The following QTMAN variants were observed in gnomAD, a reference collection of about 807,000 sequenced individuals.
QTMAN encodes the protein tRNA-queuosine alpha-mannosyltransferase.
At chr2:144,239,187 A>G in the QTMAN span, among the ~76,000 whole-genome samples, 3 of 152,144 alleles carry the variant, frequency 2.0e-5, no homozygotes, top group Non-Finnish European at 4.4e-5. Flanking sequence ...AAAAGAAAAA[A>G]AAAAGAAAAG....
chr2:144,197,574 T>C, the QTMAN span, among the ~76,000 whole-genome samples: 1 of 152,188 alleles, frequency 6.6e-6, no homozygotes, highest in Non-Finnish European at 1.5e-5. Context: ...GTGACCTCTG[T>C]AATTTTGACT....
the QTMAN span, among the ~76,000 whole-genome samples, chr2:144,263,284 A>G: frequency 4.6e-5 from 7 of 152,006 alleles, no homozygotes; most frequent in African/African-American, 1.7e-4. Flanking sequence ...GTTTTAATAC[A>G]GTGGTTTTGG....
the QTMAN span, among the ~76,000 whole-genome samples, chr2:144,240,454 T>C: frequency 1.3e-3 from 195 of 152,312 alleles, 1 homozygote; most frequent in Non-Finnish European, 2.0e-3. Flanking sequence ...CAATTATCAT[T>C]ACCTATTCTA....
chr2:144,022,542 A>C, the QTMAN span, among the ~76,000 whole-genome samples: 11 of 117,550 alleles, frequency 9.4e-5, no homozygotes, highest in Non-Finnish European at 1.5e-4. Context: ...TTCTCATTCT[A>C]TCTCTCTCTC....
chr2:144,077,605 G>A, the QTMAN span, among the ~76,000 whole-genome samples: 1 of 152,106 alleles, frequency 6.6e-6, no homozygotes, highest in African/African-American at 2.4e-5. Flanking sequence ...TTCAGAAATT[G>A]TATTAACTAA....
the QTMAN span, among the ~76,000 whole-genome samples, chr2:143,953,683 C>T: frequency 6.6e-6 from 1 of 151,748 alleles, no homozygotes; most frequent in Non-Finnish European, 1.5e-5. Context: ...TTAAAGATAC[C>T]ACTGTCATTT....
At chr2:144,262,569 C>CAAA in the QTMAN span, among the ~76,000 whole-genome samples, 50 of 49,614 alleles carry the variant, frequency 1.0e-3, no homozygotes, top group South Asian at 1.5e-3. Flanking sequence ...GATGCTGTCT[C>CAAA]AAAAAAAAAA....
the QTMAN span, among the ~76,000 whole-genome samples, chr2:144,054,179 C>G: frequency 2.0e-5 from 3 of 151,550 alleles, no homozygotes; most frequent in Non-Finnish European, 2.9e-5. Context: ...CAGAGTGAGA[C>G]TCTGTCTCAA....
At chr2:144,066,703 C>T in the QTMAN span, among the ~76,000 whole-genome samples, 1 of 152,214 alleles carries the variant, frequency 6.6e-6, no homozygotes, top group Non-Finnish European at 1.5e-5. Context: ...GTAATTCCAG[C>T]TACTTGGGAG....
At chr2:144,278,905 T>G in the QTMAN span, among the ~76,000 whole-genome samples, 2 of 152,222 alleles carry the variant, frequency 1.3e-5, no homozygotes, top group African/African-American at 4.8e-5. Context: ...CTATTATGTT[T>G]AAAGTGCTTC....
chr2:144,047,208 T>C, the QTMAN span, among the ~76,000 whole-genome samples: 1 of 151,982 alleles, frequency 6.6e-6, no homozygotes, highest in South Asian at 2.1e-4. Context: ...GAGGTGGAGG[T>C]TGCAGTGAGC....
At chr2:144,004,938 T>C in the QTMAN span, among the ~76,000 whole-genome samples, 1 of 152,066 alleles carries the variant, frequency 6.6e-6, no homozygotes, top group Non-Finnish European at 1.5e-5. Context: ...GGCTCAGTGT[T>C]TATTCCTCGT....
At chr2:144,244,466 A>C in the QTMAN span, among the ~76,000 whole-genome samples, 1 of 152,144 alleles carries the variant, frequency 6.6e-6, no homozygotes, top group Non-Finnish European at 1.5e-5. Flanking sequence ...AGGAAGAAAC[A>C]TGTGTGACTT....
chr2:144,265,171 G>C, the QTMAN span, among the ~76,000 whole-genome samples: 1 of 152,094 alleles, frequency 6.6e-6, no homozygotes, highest in Non-Finnish European at 1.5e-5. Context: ...CCACTCCTAA[G>C]ACAGACCCAC....
the QTMAN span, among the ~76,000 whole-genome samples, chr2:144,164,758 T>A: frequency 6.6e-6 from 1 of 152,188 alleles, no homozygotes. Flanking sequence ...TTGGCAATTG[T>A]AAGCTCATTT....
At chr2:144,272,713 G>A in the QTMAN span, among the ~76,000 whole-genome samples, 2 of 151,766 alleles carry the variant, frequency 1.3e-5, no homozygotes, top group Non-Finnish European at 2.9e-5. Flanking sequence ...TCTACATTAT[G>A]TGTGTGTGTG....
chr2:144,258,334 A>C, the QTMAN span, among the ~76,000 whole-genome samples: 1 of 152,158 alleles, frequency 6.6e-6, no homozygotes, highest in African/African-American at 2.4e-5. Context: ...CTAACAAAAG[A>C]AACCATTCCA....
At chr2:144,252,135 G>A in the QTMAN span, among the ~76,000 whole-genome samples, 2 of 152,120 alleles carry the variant, frequency 1.3e-5, no homozygotes, top group African/African-American at 2.4e-5. Context: ...GGGAGGCCAA[G>A]GCAGGAGGAA....
chr2:144,165,425 G>A, the QTMAN span, among the ~76,000 whole-genome samples: 5 of 151,902 alleles, frequency 3.3e-5, no homozygotes, highest in Admixed American at 3.3e-4. Flanking sequence ...GCAAGGCTAA[G>A]CAGAGTTCAT....
Sources: allele counts gnomAD v4.1 joint callset (sites outside exome capture counted in the v4.1 genomes callset), GRCh38; gene constraint gnomAD v4.1.1; transcripts MANE v1.5; gene names NCBI Gene and HGNC (gene_info 2026-07-23, HGNC 2026-07-21).